The following ARID4A variants were observed in gnomAD, a reference collection of about 807,000 sequenced individuals.
ARID4A encodes AT-rich interactive domain-containing protein 4A.
A neutral mutation model predicts 148.6 loss-of-function variants in ARID4A; 39 were observed. That is an observed-to-expected ratio of 0.26 (90% CI 0.20 to 0.34). The LOEUF (loss-of-function observed/expected upper bound fraction) is 0.34. ARID4A is among the 10% of genes least tolerant of loss of function. ARID4A has a pLI of 1.00. For synonymous variants in ARID4A, 475 were observed against 481.2 expected (o/e 0.99, Z 0.17); for missense variants, 1,265 against 1,449.1 (o/e 0.87, Z 2.06).
chr14:58,327,278 G>A (rs2033268565), intron 8 of ARID4A, among the ~76,000 whole-genome samples: 1 of 152,202 alleles, frequency 6.6e-6, no homozygotes. Flanking sequence ...TCTGTGAATG[G>A]TGCTGGAATG....
In ARID4A at chr14:58,339,944, G is replaced by C. The variant is rs377106714; in HGVS notation, c.907-4751G>C. Among the ~76,000 whole-genome samples, 4 of 152,140 alleles carry C rather than the reference G, an allele frequency of 2.6e-5. 1 individual carries two copies. On this transcript the variant is annotated intron_variant, in intron 11 of 23. Transcript: ENST00000355431. The stretch of plus-strand genomic sequence containing the variant: ...AGATCTCATGAGACCTCACTACCAT[G>C]AGAACAGCAAGGGTGAAATCTGCCC...
At chr14:58,321,685 CAG>C (rs1340356848) in intron 7 of ARID4A, among the ~76,000 whole-genome samples, 1 of 152,010 alleles carries the variant, frequency 6.6e-6, no homozygotes, top group Non-Finnish European at 1.5e-5. Context: ...AAGGCAAAGT[CAG>C]ATAACACCTA....
intron 8 of ARID4A, 110 bp downstream of exon 8, chr14:58,323,727 T>A: frequency 1.1e-6 from 1 of 938,566 alleles, no homozygotes; most frequent in Non-Finnish European, 1.6e-6. Flanking sequence ...ATTTGGACTT[T>A]ATTGGAGATT....
chr14:58,371,170 A>G (rs1191109796), intron 23 of ARID4A, among the ~76,000 whole-genome samples: 3 of 152,164 alleles, frequency 2.0e-5, no homozygotes, highest in Non-Finnish European at 4.4e-5. Flanking sequence ...TGTCTTAGCT[A>G]CTTGGAAGGC....
intron 4 of ARID4A, 113 bp from the exon 5 acceptor site, chr14:58,305,905 AAGAT>A: frequency 2.7e-6 from 2 of 731,526 alleles, no homozygotes; most frequent in East Asian, 2.5e-5. Flanking sequence ...CAGACAGTGT[AAGAT>A]AGAATTATCA....
At chr14:58,354,697 A>AG (rs1357711223) in intron 17 of ARID4A, among the ~76,000 whole-genome samples, 2 of 151,588 alleles carry the variant, frequency 1.3e-5, no homozygotes, top group East Asian at 1.9e-4. Flanking sequence ...ATAAAAAAAA[A>AG]AAAAAAGAAA....
chr14:58,323,069 C>T (rs2033004053), intron 7 of ARID4A, among the ~76,000 whole-genome samples: 2 of 144,552 alleles, frequency 1.4e-5, no homozygotes, highest in East Asian at 2.0e-4. Flanking sequence ...TTAAGTAAAC[C>T]TTATGGGTGT....
intron 9 of ARID4A, among the ~76,000 whole-genome samples, chr14:58,329,232 T>G (rs2033384787): frequency 6.6e-6 from 1 of 152,174 alleles, no homozygotes; most frequent in African/African-American, 2.4e-5. Flanking sequence ...CTACAAGTGT[T>G]GAAAACATCA....
At chr14:58,365,864 G>A (rs1490201713) in intron 21 of ARID4A, among the ~76,000 whole-genome samples, 160 bp from the exon 22 acceptor site, 1 of 151,710 alleles carries the variant, frequency 6.6e-6, no homozygotes, top group Non-Finnish European at 1.5e-5. Flanking sequence ...TGAGCATTTA[G>A]GTTTTTTTGT....
At chr14:58,318,035 G>T (rs1215167533) in intron 5 of ARID4A, among the ~76,000 whole-genome samples, 2 of 151,998 alleles carry the variant, frequency 1.3e-5, no homozygotes, top group South Asian at 2.1e-4. Context: ...GAAAGAACTT[G>T]TATCTTATGA....
intron 11 of ARID4A, among the ~76,000 whole-genome samples, chr14:58,339,843 GGAGAGAGA>G (rs35021584): frequency 2.0e-4 from 29 of 142,292 alleles, no homozygotes; most frequent in South Asian, 6.9e-4. Flanking sequence ...CGTGGCAACA[GGAGAGAGA>G]GAGAGAGAGA....
intron 8 of ARID4A, among the ~76,000 whole-genome samples, chr14:58,326,432 G>C (rs1006287915): frequency 5.3e-5 from 8 of 152,048 alleles, no homozygotes; most frequent in Non-Finnish European, 1.2e-4. Context: ...GCAAGACTCT[G>C]TCTCAGAAAA....
intron 11 of ARID4A, among the ~76,000 whole-genome samples, chr14:58,337,399 A>G (rs1019364121): frequency 6.6e-6 from 1 of 151,594 alleles, no homozygotes; most frequent in Non-Finnish European, 1.5e-5. Flanking sequence ...TTTTCCTACC[A>G]GTATATATAC....
chr14:58,329,374 C>T (rs1008288959), intron 9 of ARID4A, among the ~76,000 whole-genome samples, 154 bp from the exon 10 acceptor site: 1 of 152,158 alleles, frequency 6.6e-6, no homozygotes, highest in African/African-American at 2.4e-5. Context: ...CCCGTATTTC[C>T]TCTTCTTACC....
intron 5 of ARID4A, among the ~76,000 whole-genome samples, chr14:58,317,376 C>T (rs2032510741): frequency 6.8e-6 from 1 of 147,742 alleles, no homozygotes; most frequent in Admixed American, 6.7e-5. Context: ...GCTCCGCCTC[C>T]TGGGTTCACG....
chr14:58,363,457 T>G (rs1253810181), intron 19 of ARID4A, among the ~76,000 whole-genome samples: 2 of 152,180 alleles, frequency 1.3e-5, no homozygotes, highest in African/African-American at 2.4e-5. Flanking sequence ...CCCAGCACTT[T>G]GGGAGGCTGA....
At position 58,365,269 on chromosome 14, in the gene ARID4A, A is replaced by C; in HGVS notation, c.3180A>C (p.Ile1060=). Residue 1060 remains isoleucine (I), a synonymous_variant, in exon 20 of 24, where the codon ATA becomes ATC. Transcript: ENST00000355431. ...ETNVASGTCS[I]IVQERESREK... ...ATGTTGCCTCTGGTACCTGTAGTAT[A>C]ATTGTACAAGAGAGAGAGAGCAGAG... is the stretch of plus-strand genomic sequence containing the variant. 1 of 1,613,848 alleles carries C rather than the reference A, an allele frequency of 6.2e-7. No homozygotes were observed. Among genetic ancestry groups the C allele is most frequent in the Middle Eastern group, 1.7e-4 (1 of 6,060 alleles).
At position 58,364,424 on chromosome 14, in the gene ARID4A, A is replaced by G. The variant is rs1051858; in HGVS notation, c.2335A>G (p.Thr779Ala). 557,652 of 1,612,356 alleles carry G rather than the reference A, an allele frequency of 0.35. 98,589 individuals carry two copies. The highest frequency in any genetic ancestry group is 0.53 in the East Asian group (23,756 of 44,770). The change falls in exon 20 of 24, where the codon ACA becomes GCA. Residue 779 changes from threonine to alanine, a missense_variant. By Grantham distance (58) the Thr-to-Ala change is moderately conservative. Around this residue, in one of 9 missense-constraint regions of ARID4A, gnomAD observed 666 missense variants for 730.9 expected, o/e 0.91. Transcript: ENST00000355431. The stretch of plus-strand genomic sequence containing the variant: ...GATTTTTGGGAACAAAATGGAAAAA[A>G]CAGAAGAAGTTAAGAAAGAAGCCGA... ...VQIFGNKMEKTEEVKKEAEKS... is the reference protein window; with the variant it reads ...VQIFGNKMEKAEEVKKEAEKS...
intron 5 of ARID4A, among the ~76,000 whole-genome samples, chr14:58,313,806 A>C (rs1221215568): frequency 1.3e-5 from 2 of 152,224 alleles, no homozygotes; most frequent in African/African-American, 4.8e-5. Flanking sequence ...CTGATGTCCA[A>C]GGGCAGAAGG....
Sources: gnomAD v4.1 joint callset for allele counts (sites outside exome capture counted in the v4.1 genomes callset) on GRCh38, gnomAD v4.1.1 for gene constraint, gnomAD v4.1.1 regional missense constraint, MANE v1.5 for transcripts, NCBI Gene and HGNC (gene_info 2026-07-23, HGNC 2026-07-21) for gene names.